The following GSG1L variants were observed in gnomAD, a reference collection of about 807,000 sequenced individuals.
GSG1L encodes germ cell-specific gene 1-like protein.
GSG1L carries 24 observed loss-of-function variants against 42.1 expected under a neutral mutation model. That is an observed-to-expected ratio of 0.57 (90% CI 0.41 to 0.80). The LOEUF (loss-of-function observed/expected upper bound fraction) is 0.80. GSG1L is among the 30% of genes least tolerant of loss of function. The pLI is 0.00. For synonymous variants in GSG1L, 215 were observed against 203.5 expected, an observed-to-expected ratio of 1.06 and a Z score of -0.48; for missense variants, 445 against 472.2, an observed-to-expected ratio of 0.94 and a Z score of 0.53.
At chr16:27,839,524 C>T (rs976670339) in intron 4 of GSG1L, among the ~76,000 whole-genome samples, 1 of 152,206 alleles carries the variant, frequency 6.6e-6, no homozygotes, top group Non-Finnish European at 1.5e-5. Flanking sequence ...GCTGACATTC[C>T]AAGCAGGGGC....
chr16:27,869,233 G>A (rs1303895603), intron 3 of GSG1L, among the ~76,000 whole-genome samples: 2 of 151,118 alleles, frequency 1.3e-5, no homozygotes, highest in African/African-American at 4.9e-5. Flanking sequence ...TATGGAGGTG[G>A]AGAGAACAGA....
At chr16:27,869,088 G>C (rs776978046) in intron 3 of GSG1L, among the ~76,000 whole-genome samples, 9 of 152,196 alleles carry the variant, frequency 5.9e-5, no homozygotes, top group Non-Finnish European at 1.0e-4. Flanking sequence ...AGCAGGGCTC[G>C]GGGCCTCCCG....
intron 2 of GSG1L, among the ~76,000 whole-genome samples, chr16:27,953,442 G>T (rs1249368754): frequency 6.6e-6 from 1 of 152,168 alleles, no homozygotes; most frequent in Non-Finnish European, 1.5e-5. Context: ...GTGTTGATGA[G>T]CATTGAGGAA....
intron 2 of GSG1L, among the ~76,000 whole-genome samples, chr16:27,960,162 C>A (rs765493460): frequency 2.6e-5 from 4 of 152,134 alleles, no homozygotes; most frequent in Non-Finnish European, 5.9e-5. Flanking sequence ...GGAAAGCACT[C>A]ACCGGACCTC....
intron 2 of GSG1L, among the ~76,000 whole-genome samples, chr16:27,946,692 GAATT>G (rs139510687): frequency 0.057 from 6,816 of 119,402 alleles, 522 homozygotes; most frequent in Non-Finnish European, 0.08. Context: ...AAGAAAGAAA[GAATT>G]AAATGAAGCA....
At chr16:27,893,078 C>T (rs971757117) in intron 2 of GSG1L, among the ~76,000 whole-genome samples, 4 of 152,106 alleles carry the variant, frequency 2.6e-5, no homozygotes, top group Admixed American at 1.3e-4. Context: ...GGATGATTGT[C>T]CCAAGTCTCC....
At chr16:28,055,494 C>T (rs754945787) in intron 1 of GSG1L, among the ~76,000 whole-genome samples, 3 of 149,856 alleles carry the variant, frequency 2.0e-5, no homozygotes, top group Admixed American at 6.7e-5. Context: ...TTTTTTAAGA[C>T]GGAGTCTTGC....
chr16:27,918,840 A>T (rs1228927043), intron 2 of GSG1L, among the ~76,000 whole-genome samples: 2 of 152,126 alleles, frequency 1.3e-5, no homozygotes, highest in Non-Finnish European at 2.9e-5. Context: ...GATACATCTG[A>T]TGTAAAGTAC....
At chr16:27,848,418 G>C (rs1201106441) in intron 3 of GSG1L, among the ~76,000 whole-genome samples, 1 of 152,234 alleles carries the variant, frequency 6.6e-6, no homozygotes, top group African/African-American at 2.4e-5. Flanking sequence ...GACAGGACCA[G>C]ACTGCAAAAC....
chr16:27,847,507 A>T lies in GSG1L; in HGVS notation c.551-2446T>A, dbSNP rs148402718. ...GTCCAGGGGGGCTAAGAATTAAGAG[A>T]CAATGTCAAGTGCATCACAAGGTGA... On this transcript the variant is annotated intron_variant, in intron 3 of 6. Coordinates refer to ENST00000447459, the MANE Select transcript of GSG1L (RefSeq NM_001109763.2). 4.0e-3 allele frequency among the ~76,000 whole-genome samples: 609 copies of T among 152,312 alleles called. 6 individuals carry two copies. Among genetic ancestry groups the T allele is most frequent in the African/African-American group, 0.014 (580 of 41,562 alleles).
intron 2 of GSG1L, among the ~76,000 whole-genome samples, chr16:27,951,122 T>C (rs1171335415): frequency 6.6e-6 from 1 of 152,148 alleles, no homozygotes; most frequent in African/African-American, 2.4e-5. Context: ...TGCAGCCCAC[T>C]CCTGAAAGCG....
intron 5 of GSG1L, among the ~76,000 whole-genome samples, chr16:27,810,300 G>A (rs1319073392): frequency 1.3e-5 from 2 of 151,982 alleles, no homozygotes; most frequent in African/African-American, 4.8e-5. Context: ...GCAACATGGT[G>A]AAATCCCGTC....
chr16:28,035,013 TTTA>T (rs2086016022), intron 1 of GSG1L, among the ~76,000 whole-genome samples: 1 of 152,044 alleles, frequency 6.6e-6, no homozygotes. Context: ...GCAGCTGTGT[TTTA>T]TTATTATTGT....
intron 1 of GSG1L, among the ~76,000 whole-genome samples, chr16:28,010,309 TC>T (rs564027189): frequency 3.3e-5 from 5 of 151,800 alleles, no homozygotes; most frequent in Non-Finnish European, 7.4e-5. Context: ...CAGGAGGGAG[TC>T]AACCACCAGA....
intron 1 of GSG1L, among the ~76,000 whole-genome samples, chr16:27,995,188 G>A (rs926411644): frequency 3.3e-5 from 5 of 152,204 alleles, no homozygotes; most frequent in Non-Finnish European, 5.9e-5. Flanking sequence ...CATAATCCCA[G>A]CAAGGCTGCA....
chr16:28,037,261 A>T (rs2086050139), intron 1 of GSG1L, among the ~76,000 whole-genome samples: 1 of 152,208 alleles, frequency 6.6e-6, no homozygotes, highest in African/African-American at 2.4e-5. Flanking sequence ...CCTGGCCTCA[A>T]GTGATCCACC....
At chr16:27,859,192 C>T (rs2083613772) in intron 3 of GSG1L, among the ~76,000 whole-genome samples, 2 of 152,128 alleles carry the variant, frequency 1.3e-5, no homozygotes, top group East Asian at 3.9e-4. Context: ...TCTCTGCAGG[C>T]TCTTGGTCTT....
chr16:27,804,037 G>GGATAGATAGATACAGATAGATA (rs1455236652), intron 6 of GSG1L, among the ~76,000 whole-genome samples: 255 of 132,778 alleles, frequency 1.9e-3, no homozygotes, highest in Middle Eastern at 7.4e-3. Context: ...TAGATTAGAT[G>GGATAGATAGATACAGATAGATA]GATAGATAGA....
intron 2 of GSG1L, 142 bp downstream of exon 2, chr16:27,963,014 A>G (rs146493589): frequency 4.3e-5 from 30 of 689,744 alleles, no homozygotes; most frequent in Middle Eastern, 7.9e-4. Context: ...AGGGCTTTGC[A>G]ACAGGGTGTC....
Sources: allele counts gnomAD v4.1 joint callset (sites outside exome capture counted in the v4.1 genomes callset), GRCh38; gene constraint gnomAD v4.1.1; transcripts MANE v1.5; gene names NCBI Gene and HGNC (gene_info 2026-07-23, HGNC 2026-07-21).